The following RIPK1 variants were observed in gnomAD, a reference collection of about 807,000 sequenced individuals.
The protein encoded by RIPK1 is receptor-interacting serine/threonine-protein kinase 1.
RIPK1 carries 27 observed loss-of-function variants against 62.4 expected under a neutral mutation model. The observed-to-expected ratio is 0.43, with a 90% CI of 0.32 to 0.60. The LOEUF is 0.60. Ranked by LOEUF, RIPK1 falls within the 20% of genes least tolerant of loss-of-function variation. The probability of loss-of-function intolerance (pLI) is 0.07; values close to 1 mark genes in which losing one functional copy is unlikely to be tolerated. For missense variants in RIPK1, 735 were observed against 831.0 expected (o/e 0.88, Z 1.42); for synonymous variants, 287 against 303.2 (o/e 0.95, Z 0.55).
intron 3 of RIPK1, among the ~76,000 whole-genome samples, chr6:3,079,895 A>G (rs372797997): frequency 9.2e-5 from 14 of 152,352 alleles, no homozygotes; most frequent in African/African-American, 3.4e-4. Context: ...GAGATGAGAG[A>G]GAAATCATTG....
At chr6:3,084,128 C>G (rs1364404651) in intron 5 of RIPK1, among the ~76,000 whole-genome samples, 1 of 152,032 alleles carries the variant, frequency 6.6e-6, no homozygotes, top group African/African-American at 2.4e-5. Context: ...ATCTGCCTTT[C>G]TCTGTCTCCA....
At chr6:3,073,108 G>A (rs1758827063) in intron 1 of RIPK1, among the ~76,000 whole-genome samples, 1 of 151,816 alleles carries the variant, frequency 6.6e-6, no homozygotes, top group African/African-American at 2.4e-5. Context: ...ATATACATAT[G>A]TACATATATA....
chr6:3,110,755 C>T (rs755127389), intron 9 of RIPK1, 48 bp from the exon 10 acceptor site: 2 of 1,301,840 alleles, frequency 1.5e-6, no homozygotes, highest in African/African-American at 1.5e-5. Flanking sequence ...ATTTTTTTCT[C>T]TTGCTTTTGA....
At chr6:3,080,872 TG>T in intron 3 of RIPK1, 106 bp from the exon 4 acceptor site, 2 of 1,067,004 alleles carry the variant, frequency 1.9e-6, no homozygotes, top group Non-Finnish European at 2.7e-6. Context: ...GAAGGAAACC[TG>T]GTAACCTTCT....
upstream of RIPK1, chr6:3,068,202 TA>T (rs1337231493): frequency 1.0e-6 from 1 of 984,328 alleles, no homozygotes; most frequent in Admixed American, 6.1e-5. Context: ...AGAGGAATGC[TA>T]ACTTGCCTAT....
Position 3,083,148 on chromosome 6 carries a change from G to A in RIPK1, c.523G>A (p.Glu175Lys), listed in dbSNP as rs1315280782. The change falls in exon 5 of 11, where the codon GAG becomes AAG. Residue 175 changes from glutamate to lysine, a missense_variant. Around this residue, in one of 2 missense-constraint regions of RIPK1, gnomAD observed 671 missense variants for 726.2 expected, o/e 0.92. Coordinates refer to ENST00000259808, the MANE Select transcript of RIPK1 (RefSeq NM_001354930.2). The stretch of plus-strand genomic sequence containing the variant: ...CAAACTGAATAATGAAGAGCACAAT[G>A]AGCTGAGGGAAGTGGACGGCACCGC... Reference protein sequence around the residue: ...WSKLNNEEHNELREVDGTAKK... With the variant: ...WSKLNNEEHNKLREVDGTAKK... The A allele has an allele frequency of 1.9e-6, 3 of 1,613,886 alleles. No homozygotes were observed. Among genetic ancestry groups the A allele is most frequent in the Non-Finnish European group, 2.5e-6 (3 of 1,179,958 alleles).
At chr6:3,093,982 C>T (rs796730040) in intron 7 of RIPK1, among the ~76,000 whole-genome samples, 1 of 128,816 alleles carries the variant, frequency 7.8e-6, no homozygotes, top group African/African-American at 3.1e-5. Context: ...CTAGTAACTG[C>T]AGAGCGCCTA....
At chr6:3,107,121 G>A (rs147997163) in intron 9 of RIPK1, among the ~76,000 whole-genome samples, 3,824 of 151,958 alleles carry the variant, frequency 0.025, 173 homozygotes, top group African/African-American at 0.087. Flanking sequence ...GCGTGGTGGC[G>A]CATGCCTTTA....
chr6:3,094,530 A>G (rs1322278914), intron 7 of RIPK1, among the ~76,000 whole-genome samples: 2 of 151,442 alleles, frequency 1.3e-5, no homozygotes, highest in African/African-American at 4.8e-5. Flanking sequence ...AAATTATAAA[A>G]TGCACTTTGC....
chr6:3,081,235 TTGA>T (rs1561752587), intron 4 of RIPK1, 119 bp downstream of exon 4: 1 of 1,152,886 alleles, frequency 8.7e-7, no homozygotes, highest in Non-Finnish European at 1.2e-6. Context: ...CTTATAACTG[TTGA>T]TGATGGTGCC....
At position 3,076,158 on chromosome 6, in the gene RIPK1, T is replaced by C. The variant is rs890092478; in HGVS notation, c.-60-606T>C. 3.9e-5 allele frequency among the ~76,000 whole-genome samples: 6 copies of C among 152,204 alleles called. No homozygotes were observed. The South Asian group carries it at 8.3e-4, about 21-fold the overall frequency. On this transcript the variant is annotated intron_variant, in intron 1 of 10. Coordinates refer to ENST00000259808, the MANE Select transcript of RIPK1 (RefSeq NM_001354930.2). ...TGCATTTCAATGAATGTTTGTATTA[T>C]GTTGTCCAACATACTTGTGTCCTTT...
At chr6:3,077,635 TA>T (rs869087246) in intron 2 of RIPK1, 143 bp from the exon 3 acceptor site, 1 of 801,212 alleles carries the variant, frequency 1.2e-6, no homozygotes, top group Non-Finnish European at 1.9e-6. Flanking sequence ...CTCTGCCTTC[TA>T]ACGCTTCTGG....
chr6:3,105,049 G>A lies in RIPK1; in HGVS notation c.1007-433G>A, dbSNP rs1054426080. The stretch of plus-strand genomic sequence containing the variant: ...GTATTTTCAGTAGAGATGGGGTTTC[G>A]CCATGTTGGCCAGGCTGGTCTCGAA... On this transcript the variant is annotated intron_variant, in intron 8 of 10. Coordinates refer to ENST00000259808, the MANE Select transcript of RIPK1 (RefSeq NM_001354930.2). The surrounding 1 kb of genome is among the most constrained non-coding windows in gnomAD (Gnocchi z 4.5). Among the ~76,000 whole-genome samples, 5 of 151,886 alleles carry A rather than the reference G, an allele frequency of 3.3e-5. No individual in the cohort carries two copies. Among genetic ancestry groups the A allele is most frequent in the South Asian group, 2.1e-4 (1 of 4,818 alleles).
rs1000148853 is a variant in RIPK1, at chr6:3,076,986, G to C, written c.163G>C (p.Glu55Gln). ...AGTGTACAAGGGGCCCAACTGCATT[G>C]AGTGAGTAGGGAGCAGGGGTGGGTG... ...KTVYKGPNCI[E>Q]HNEALLEEAK... Residue 55 changes from glutamate to glutamine, a missense_variant and splice_region_variant, in exon 2 of 11, where the codon GAG becomes CAG. Physicochemically the swap from Glu to Gln is conservative, Grantham distance 29 (BLOSUM62 2). Around this residue, in one of 2 missense-constraint regions of RIPK1, gnomAD observed 671 missense variants for 726.2 expected, o/e 0.92. Coordinates refer to ENST00000259808, the MANE Select transcript of RIPK1 (RefSeq NM_001354930.2). The C allele has an allele frequency of 6.3e-7, 1 of 1,584,564 alleles. No individual in the cohort carries two copies. The highest frequency in any genetic ancestry group is 8.6e-7 in the Non-Finnish European group (1 of 1,161,064).
intron 1 of RIPK1, among the ~76,000 whole-genome samples, chr6:3,075,924 C>CT (rs1380299656): frequency 6.6e-6 from 1 of 150,922 alleles, no homozygotes; most frequent in African/African-American, 2.4e-5. Context: ...CTAGTTCATC[C>CT]TTTCATCAAA....
At chr6:3,101,442 C>G (rs9503399) in intron 7 of RIPK1, among the ~76,000 whole-genome samples, 23,005 of 151,992 alleles carry the variant, frequency 0.15, 4,572 homozygotes, top group African/African-American at 0.46. Flanking sequence ...GCGACAGAGG[C>G]AGATTTGATC....
At position 3,072,073 on chromosome 6, in the gene RIPK1, C is replaced by G. The variant is rs887190726; in HGVS notation, c.-61+3412C>G. On this transcript the variant is annotated intron_variant, in intron 1 of 10. Coordinates refer to ENST00000259808, the MANE Select transcript of RIPK1 (RefSeq NM_001354930.2). The surrounding 1 kb of genome is among the most constrained non-coding windows in gnomAD (Gnocchi z 5.6). ...AGTGTTGATGGGCATAACTGATTCT[C>G]TCCTCTGTACATGCTAAGTGTTTTA... Among the ~76,000 whole-genome samples, 3 of 152,188 alleles carry G rather than the reference C, an allele frequency of 2.0e-5. No individual in the cohort carries two copies. Among genetic ancestry groups the G allele is most frequent in the African/African-American group, 7.2e-5 (3 of 41,426 alleles).
chr6:3,077,927 A>G lies in RIPK1; in HGVS notation c.313A>G (p.Lys105Glu). 1.2e-6 allele frequency: 2 copies of G among 1,613,928 alleles called. No individual in the cohort carries two copies. Among genetic ancestry groups the G allele is most frequent in the Non-Finnish European group, 1.7e-6 (2 of 1,180,000 alleles). ...MEKGNLMHVL[K>E]AEMSTPLSVK... ...GAAGGGCAACCTGATGCACGTGCTGAAAGCCGAGGTAGAGAGGGCCCCTCC... is the reference window on the plus strand; with the variant it reads ...GAAGGGCAACCTGATGCACGTGCTGGAAGCCGAGGTAGAGAGGGCCCCTCC... Residue 105 changes from lysine to glutamate, a missense_variant, in exon 3 of 11, where the codon AAA becomes GAA. Transcript: ENST00000259808.
chr6:3,090,011 T>C (rs1286939099), intron 7 of RIPK1, among the ~76,000 whole-genome samples: 1 of 152,210 alleles, frequency 6.6e-6, no homozygotes, highest in Non-Finnish European at 1.5e-5. Context: ...CAAGGAATAC[T>C]AGCCCAAGAC....
Sources: gnomAD v4.1 joint callset for allele counts (sites outside exome capture counted in the v4.1 genomes callset) on GRCh38, gnomAD v4.1.1 for gene constraint, gnomAD v4.1.1 regional missense constraint, Gnocchi (gnomAD v3.1) non-coding constraint, MANE v1.5 for transcripts, NCBI Gene and HGNC (gene_info 2026-07-23, HGNC 2026-07-21) for gene names.